The following WDR59 variants were observed in gnomAD, a reference collection of about 807,000 sequenced individuals.
The protein encoded by WDR59 is WD repeat domain 59.
A neutral mutation model predicts 131.2 loss-of-function variants in WDR59; 100 were observed. The ratio of observed to expected loss-of-function variants is 0.76; its 90% CI spans 0.65 to 0.90. The LOEUF (loss-of-function observed/expected upper bound fraction) is 0.90, where lower values mean the gene tolerates loss of function less well. Ranked by LOEUF, WDR59 falls within the 40% of genes least tolerant of loss-of-function variation. WDR59 has a pLI of 0.00. For missense variants in WDR59, 1,203 were observed against 1,262.2 expected, an observed-to-expected ratio of 0.95 and a Z score of 0.71; for synonymous variants, 601 against 466.2, an observed-to-expected ratio of 1.29 and a Z score of -3.72.
At chr16:74,965,634 C>G in intron 2 of WDR59, 139 bp downstream of exon 2, 1 of 999,236 alleles carries the variant, frequency 1.0e-6, no homozygotes, top group Non-Finnish European at 1.5e-6. Context: ...TCCGAGTAGC[C>G]CTGAGGCAAA....
At chr16:74,904,129 C>T (rs1274939117) in intron 17 of WDR59, 29 bp from the exon 18 acceptor site, 1 of 1,599,738 alleles carries the variant, frequency 6.3e-7, no homozygotes, top group Non-Finnish European at 8.5e-7. Flanking sequence ...ATTATCCACA[C>T]TGGCTGCAGT....
chr16:74,920,188 C>G (rs371790938), intron 10 of WDR59, among the ~76,000 whole-genome samples: 74 of 151,880 alleles, frequency 4.9e-4, no homozygotes, highest in Middle Eastern at 6.9e-3. Flanking sequence ...GTTCAACTTA[C>G]AATTTTTTGA....
chr16:74,912,112 T>C (rs768662496), intron 14 of WDR59, 86 bp downstream of exon 14: 3 of 1,570,038 alleles, frequency 1.9e-6, no homozygotes, highest in Non-Finnish European at 1.7e-6. Context: ...CCGAATCTCA[T>C]CTACTGGAGT....
chr16:74,881,609 T>A (rs576195003), intron 25 of WDR59, among the ~76,000 whole-genome samples: 58 of 151,936 alleles, frequency 3.8e-4, no homozygotes, highest in Non-Finnish European at 7.6e-4. Flanking sequence ...GTGTGGGGGA[T>A]CATGACTGTA....
At chr16:74,904,180 A>T (rs1965693137) in intron 17 of WDR59, 80 bp from the exon 18 acceptor site, 1 of 1,516,518 alleles carries the variant, frequency 6.6e-7, no homozygotes, top group African/African-American at 1.4e-5. Context: ...AGCACTTGAT[A>T]CCAAAAGGAG....
At chr16:74,878,160 T>C (rs1008677744) in intron 25 of WDR59, among the ~76,000 whole-genome samples, 1 of 152,188 alleles carries the variant, frequency 6.6e-6, no homozygotes, top group African/African-American at 2.4e-5. Flanking sequence ...AGAGCTCTCG[T>C]ATCTATTAAA....
rs1023127396 is a variant in WDR59, at chr16:74,937,644, G to A, written c.651+506C>T. On this transcript the variant is annotated intron_variant, in intron 8 of 25. Coordinates refer to ENST00000262144, the MANE Select transcript of WDR59 (RefSeq NM_030581.4). ...AGCCTCCCAAGTAGATGGAATTACA[G>A]GTGTGCGCCACCACACCCAGCTAAT... Among the ~76,000 whole-genome samples the A allele has an allele frequency of 4.6e-5, 7 of 152,128 alleles. No individual in the cohort carries two copies. In the South Asian group the frequency reaches 1.0e-3, roughly 23 times the overall value.
chr16:74,890,679 T>G (rs1405409021), intron 20 of WDR59, among the ~76,000 whole-genome samples: 1 of 152,136 alleles, frequency 6.6e-6, no homozygotes, highest in Non-Finnish European at 1.5e-5. Flanking sequence ...ACACCAAATC[T>G]GAGGAATACC....
intron 8 of WDR59, among the ~76,000 whole-genome samples, chr16:74,925,106 A>C (rs2030645942): frequency 6.6e-6 from 1 of 152,232 alleles, no homozygotes; most frequent in Admixed American, 6.5e-5. Context: ...TAAATGAGTC[A>C]ACAGAAAATT....
intron 9 of WDR59, 87 bp from the exon 10 acceptor site, chr16:74,922,190 T>C (rs2030308433): frequency 6.6e-7 from 1 of 1,526,270 alleles, no homozygotes; most frequent in East Asian, 2.3e-5. Flanking sequence ...GAATTCTTCC[T>C]AAGTAAAATA....
chr16:74,944,960 C>A (rs1447939910), intron 6 of WDR59, among the ~76,000 whole-genome samples: 5 of 151,834 alleles, frequency 3.3e-5, no homozygotes, highest in African/African-American at 1.2e-4. Flanking sequence ...CCCATCTCTA[C>A]TAAAATTACA....
chr16:74,906,865 T>C (rs1027583003), intron 17 of WDR59, among the ~76,000 whole-genome samples: 4 of 152,172 alleles, frequency 2.6e-5, no homozygotes, highest in Non-Finnish European at 5.9e-5. Context: ...ACTGGGAACC[T>C]TTGTGGGTGA....
chr16:74,925,005 G>C (rs1286753733), intron 8 of WDR59, among the ~76,000 whole-genome samples: 2 of 152,114 alleles, frequency 1.3e-5, no homozygotes, highest in African/African-American at 2.4e-5. Context: ...CTAGGAAATT[G>C]AAAGTATCTG....
At chr16:74,947,146 T>C (rs1209257060) in intron 6 of WDR59, among the ~76,000 whole-genome samples, 1 of 152,156 alleles carries the variant, frequency 6.6e-6, no homozygotes, top group Non-Finnish European at 1.5e-5. Context: ...ACTTGGTTCA[T>C]CCATGTTAAA....
intron 7 of WDR59, among the ~76,000 whole-genome samples, chr16:74,941,404 G>A (rs1467075971): frequency 6.7e-6 from 1 of 149,726 alleles, no homozygotes; most frequent in East Asian, 2.0e-4. Flanking sequence ...CTAACATATA[G>A]AAGATGTGGC....
At position 74,953,230 on chromosome 16, in the gene WDR59, G is replaced by T. The variant is rs557937713; in HGVS notation, c.241-1687C>A. Among the ~76,000 whole-genome samples the T allele has an allele frequency of 1.5e-3, 236 of 152,278 alleles. 1 individual carries two copies. The highest frequency in any genetic ancestry group is 5.5e-3 in the African/African-American group (229 of 41,556). On this transcript the variant is annotated intron_variant, in intron 3 of 25. Coordinates refer to ENST00000262144, the MANE Select transcript of WDR59 (RefSeq NM_030581.4). Reference sequence around the variant, plus strand: ...CTCATGCCTGTAATCCCAGCACTTTGGGAAGCTGAGGCAGGGGGATCGCTT... The same window carrying T: ...CTCATGCCTGTAATCCCAGCACTTTTGGAAGCTGAGGCAGGGGGATCGCTT...
chr16:74,975,028 C>A (rs1188973312), intron 1 of WDR59, among the ~76,000 whole-genome samples: 1 of 152,154 alleles, frequency 6.6e-6, no homozygotes, highest in African/African-American at 2.4e-5. Flanking sequence ...GCCTGGGGAA[C>A]CCCCAACACA....
intron 19 of WDR59, 127 bp from the exon 20 acceptor site, chr16:74,892,692 T>C (rs1965103329): frequency 1.3e-6 from 1 of 775,858 alleles, no homozygotes; most frequent in South Asian, 1.9e-5. Context: ...TATTCCGCGT[T>C]GGCCTTGGGC....
chr16:74,914,141 G>T (rs1966245527), intron 13 of WDR59, among the ~76,000 whole-genome samples: 1 of 152,144 alleles, frequency 6.6e-6, no homozygotes, highest in African/African-American at 2.4e-5. Context: ...GAACCCGAGA[G>T]GCAGAGCCTG....
Sources: allele counts gnomAD v4.1 joint callset (sites outside exome capture counted in the v4.1 genomes callset), GRCh38; gene constraint gnomAD v4.1.1; transcripts MANE v1.5; gene names NCBI Gene and HGNC (gene_info 2026-07-23, HGNC 2026-07-21).